Variants in CNTRL observed in about 807,000 individuals in gnomAD.
CNTRL encodes the protein 110 kDa centrosomal protein.
CNTRL carries 233 observed loss-of-function variants against 303.7 expected under a neutral mutation model. The observed-to-expected ratio is 0.77, with a 90% CI of 0.69 to 0.86. CNTRL has a LOEUF of 0.86. Among genes scored for constraint, CNTRL ranks in the 40% least tolerant of loss-of-function variants. The pLI is 0.00. For missense variants in CNTRL, 2,524 were observed against 2,650.6 expected (o/e 0.95, Z 1.05); for synonymous variants, 900 against 922.2 (o/e 0.98, Z 0.44).
At chr9:121,088,001 C>T (rs1032371439) in intron 2 of CNTRL, among the ~76,000 whole-genome samples, 59 of 152,104 alleles carry the variant, frequency 3.9e-4, no homozygotes, top group African/African-American at 1.2e-3. Context: ...TCTAGGACCC[C>T]GTTATGTGGG....
chr9:121,140,961 T>C lies in CNTRL; in HGVS notation c.2483+175T>C, dbSNP rs371858459. 4.4e-4 allele frequency among the ~76,000 whole-genome samples: 67 copies of C among 152,370 alleles called. 1 individual carries two copies. The highest frequency in any genetic ancestry group is 1.5e-3 in the African/African-American group (62 of 41,592). The stretch of plus-strand genomic sequence containing the variant: ...GACAAAAGATTGTTTAATTTATTTG[T>C]CTGCCACTGATTGTTTTTACATTTT... On this transcript the variant is annotated intron_variant, in intron 17 of 43. Transcript: ENST00000373855.
chr9:121,084,795 C>T (rs1211263689), intron 2 of CNTRL, among the ~76,000 whole-genome samples: 1 of 152,194 alleles, frequency 6.6e-6, no homozygotes, highest in Admixed American at 6.5e-5. Flanking sequence ...CTGCCCGCCT[C>T]AGCCTCTCAA....
chr9:121,154,943 C>T lies in CNTRL; in HGVS notation c.4365+30C>T, dbSNP rs138656047. 25 of 1,589,494 alleles carry T rather than the reference C, an allele frequency of 1.6e-5. No homozygotes were observed. In the African/African-American group the frequency reaches 2.7e-4, roughly 17 times the overall value. ...GTCTTCTTGTGGTTTGGGGTGTGAG[C>T]TCAGTGTGGGTGAGTCAGCTTACTG... On this transcript the variant is annotated intron_variant, in intron 27 of 43. Transcript: ENST00000373855.
At chr9:121,169,486 G>C (rs1292688995) in intron 38 of CNTRL, 125 bp from the exon 39 acceptor site, 1 of 919,156 alleles carries the variant, frequency 1.1e-6, no homozygotes, top group Non-Finnish European at 1.7e-6. Context: ...GTACGACTTT[G>C]TAATGGAGGA....
In CNTRL at chr9:121,112,549, T is replaced by C; in HGVS notation, c.1093T>C (p.Phe365Leu). Residue 365 changes from phenylalanine to leucine, a missense_variant, in exon 9 of 44, where the codon TTT (phenylalanine) becomes CTT (leucine). Coordinates refer to ENST00000373855, the MANE Select transcript of CNTRL (RefSeq NM_007018.6). ...GGCCTTTTATAAAATTGATGCTAAA[T>C]TTGAGCCACTAAATTATTATCCATC... ...ELAFYKIDAK[F>L]EPLNYYPSEY... 1 of 1,612,682 alleles carries C rather than the reference T, an allele frequency of 6.2e-7. No homozygotes were observed. Among genetic ancestry groups the C allele is most frequent in the South Asian group, 1.1e-5 (1 of 91,038 alleles).
intron 24 of CNTRL, among the ~76,000 whole-genome samples, chr9:121,149,706 C>T (rs2052104845): frequency 6.6e-6 from 1 of 152,186 alleles, no homozygotes; most frequent in African/African-American, 2.4e-5. Flanking sequence ...CGTATGTGTC[C>T]AGGAAGTGCT....
intron 5 of CNTRL, among the ~76,000 whole-genome samples, chr9:121,095,768 T>C (rs939988844): frequency 2.0e-5 from 3 of 152,192 alleles, no homozygotes; most frequent in African/African-American, 7.2e-5. Flanking sequence ...AAATTGAAAG[T>C]AGAGAAGCTT....
intron 7 of CNTRL, among the ~76,000 whole-genome samples, chr9:121,107,238 G>A (rs939301657): frequency 5.3e-5 from 8 of 152,142 alleles, no homozygotes; most frequent in Non-Finnish European, 8.8e-5. Flanking sequence ...TAGGGAAAGT[G>A]TGTGAATAAA....
At chr9:121,163,553 C>A (rs2052953091) in intron 34 of CNTRL, among the ~76,000 whole-genome samples, 1 of 151,722 alleles carries the variant, frequency 6.6e-6, no homozygotes, top group Non-Finnish European at 1.5e-5. Context: ...TCAAAAGACA[C>A]AAGGTAATGA....
chr9:121,075,125 C>A, intron 1 of CNTRL, 58 bp downstream of exon 1: 1 of 355,012 alleles, frequency 2.8e-6, no homozygotes. Context: ...CAGTGGGGGC[C>A]GGCGGCAAAG....
At chr9:121,122,205 A>T (rs960094220) in intron 12 of CNTRL, among the ~76,000 whole-genome samples, 1 of 152,340 alleles carries the variant, frequency 6.6e-6, no homozygotes, top group South Asian at 2.1e-4. Flanking sequence ...TCTTTTAAGA[A>T]ATTATTTCTT....
intron 7 of CNTRL, among the ~76,000 whole-genome samples, chr9:121,101,521 G>A (rs966490169): frequency 6.6e-6 from 1 of 152,094 alleles, no homozygotes; most frequent in Non-Finnish European, 1.5e-5. Flanking sequence ...ACATTCAAAA[G>A]CTAGCAGAAG....
At position 121,158,989 on chromosome 9, in the gene CNTRL, T is replaced by C. The variant is rs1244912013; in HGVS notation, c.4899T>C (p.Thr1633=). Residue 1633 remains threonine (T), a synonymous_variant, in exon 31 of 44, where the codon ACT becomes ACC. Transcript: ENST00000373855. ...DLQEALRLGE[T]EVTEKCNHIR... is the part of the protein sequence containing the mutation. ...AGGAAGCTCTGAGACTGGGAGAGAC[T>C]GAAGTAACTGAGAAGTGCAATCACA... is the stretch of plus-strand genomic sequence containing the variant. 6 of 1,614,072 alleles carry C rather than the reference T, an allele frequency of 3.7e-6. No individual in the cohort carries two copies. The highest frequency in any genetic ancestry group is 2.7e-5 in the African/African-American group (2 of 74,926).
At chr9:121,076,082 C>G (rs2131906254) in intron 1 of CNTRL, among the ~76,000 whole-genome samples, 1 of 152,274 alleles carries the variant, frequency 6.6e-6, no homozygotes, top group Middle Eastern at 3.4e-3. Context: ...GAACAACAGA[C>G]AAAACCTCTG....
intron 2 of CNTRL, among the ~76,000 whole-genome samples, chr9:121,084,595 A>G: frequency 6.7e-6 from 1 of 148,658 alleles, no homozygotes; most frequent in South Asian, 2.1e-4. Flanking sequence ...CCCAGGCTGG[A>G]GTGCAGTGGC....
At chr9:121,159,230 C>T (rs1197076616) in intron 31 of CNTRL, among the ~76,000 whole-genome samples, 1 of 152,144 alleles carries the variant, frequency 6.6e-6, no homozygotes, top group Non-Finnish European at 1.5e-5. Flanking sequence ...CAAAGTTCTC[C>T]TGCCCCTGTA....
At chr9:121,166,449 C>G (rs1212345885) in intron 36 of CNTRL, among the ~76,000 whole-genome samples, 2 of 152,200 alleles carry the variant, frequency 1.3e-5, no homozygotes, top group Non-Finnish European at 2.9e-5. Flanking sequence ...GCAGCAGTCT[C>G]TCAGCAGCCC....
Position 121,087,940 on chromosome 9 carries a change from G to A in CNTRL, c.-31-356G>A, listed in dbSNP as rs138894411. Among the ~76,000 whole-genome samples, 202 of 152,326 alleles carry A rather than the reference G, an allele frequency of 1.3e-3. 2 individuals are homozygous for A. Among genetic ancestry groups the A allele is most frequent in the African/African-American group, 4.4e-3 (185 of 41,576 alleles). Reference sequence around the variant, plus strand: ...AAGAAACTTTGAGGAAGGAGAGAGTGCTCATCAGTATTAAATACTGCTGGT... The same window carrying A: ...AAGAAACTTTGAGGAAGGAGAGAGTACTCATCAGTATTAAATACTGCTGGT... On this transcript the variant is annotated intron_variant, in intron 2 of 43. Coordinates refer to ENST00000373855, the MANE Select transcript of CNTRL (RefSeq NM_007018.6).
At chr9:121,113,317 AT>A (rs2049834843) in intron 9 of CNTRL, among the ~76,000 whole-genome samples, 184 bp from the exon 10 acceptor site, 1 of 152,114 alleles carries the variant, frequency 6.6e-6, no homozygotes, top group African/African-American at 2.4e-5. Context: ...TTTAGTTCTA[AT>A]TTCCTTTTTT....
Sources: allele counts gnomAD v4.1 joint callset (sites outside exome capture counted in the v4.1 genomes callset), GRCh38; gene constraint gnomAD v4.1.1; transcripts MANE v1.5; gene names NCBI Gene and HGNC (gene_info 2026-07-23, HGNC 2026-07-21).